Variants in PCNT observed in about 807,000 individuals in gnomAD.
PCNT encodes kendrin.
A neutral mutation model predicts 380.4 loss-of-function variants in PCNT; 319 were observed. That is an observed-to-expected ratio of 0.84 (90% CI 0.77 to 0.92). The LOEUF is 0.92. Ranked by LOEUF, PCNT falls within the 40% of genes least tolerant of loss-of-function variation. The pLI, the probability that PCNT is intolerant of heterozygous loss-of-function variation, is 0.00. For synonymous variants in PCNT, 1,845 were observed against 1,735.2 expected (o/e 1.06, Z -1.57); for missense variants, 4,400 against 4,255.3 (o/e 1.03, Z -0.95).
chr21:46,340,370 C>T (rs2083879646), intron 3 of PCNT, among the ~76,000 whole-genome samples: 1 of 152,184 alleles, frequency 6.6e-6, no homozygotes, highest in Non-Finnish European at 1.5e-5. Flanking sequence ...TATAGCTCAG[C>T]CCACTTTTGT....
rs539419677 is a variant in PCNT at position 46,437,014 on chromosome 21, C to T, written c.9032C>T (p.Ala3011Val). ...VNDWTSSNEKAVMSLLHTLEE... is the reference protein window; with the variant it reads ...VNDWTSSNEKVVMSLLHTLEE... ...GATTGGACGTCATCCAATGAGAAAG[C>T]AGTGATGTCTTTACTGCACACGTTG... is the stretch of plus-strand genomic sequence containing the variant. The change falls in exon 40 of 47, where the codon GCA (alanine) becomes GTA (valine). Residue 3011 changes from alanine to valine, a missense_variant. Physicochemically the swap from Ala to Val is moderately conservative, Grantham distance 64. Transcript: ENST00000359568. 1 of 1,614,016 alleles carries T rather than the reference C, an allele frequency of 6.2e-7. No individual in the cohort carries two copies. Among genetic ancestry groups the T allele is most frequent in the African/African-American group, 1.3e-5 (1 of 74,950 alleles).
At position 46,338,652 on chromosome 21, in the gene PCNT, G is replaced by A. The variant is rs990656751; in HGVS notation, c.639+3884G>A. 6.9e-5 allele frequency among the ~76,000 whole-genome samples: 10 copies of A among 144,498 alleles called. No individual in the cohort carries two copies. The East Asian group carries it at 1.0e-3, about 15-fold the overall frequency. 94.8% of individuals were successfully genotyped at this position (144,498 alleles called of 152,430 possible). A position where few individuals can be genotyped will look rare whatever the true frequency, so the allele number is the denominator to read the frequency against. The stretch of plus-strand genomic sequence containing the variant: ...GGAGTTTTGCTCTTGCACTCTTGTC[G>A]CCCAGGCTGGAGCGGTGATCTCGGC... On this transcript the variant is annotated intron_variant, in intron 3 of 46. Coordinates refer to ENST00000359568, the MANE Select transcript of PCNT (RefSeq NM_006031.6).
chr21:46,399,229 G>T (rs988344635), intron 24 of PCNT, among the ~76,000 whole-genome samples: 1 of 152,238 alleles, frequency 6.6e-6, no homozygotes, highest in Non-Finnish European at 1.5e-5. Flanking sequence ...TTAGATCTCT[G>T]TTCAGCCTCT....
At chr21:46,348,901 G>C in intron 6 of PCNT, 111 bp from the exon 7 acceptor site, 2 of 744,172 alleles carry the variant, frequency 2.7e-6, no homozygotes, top group South Asian at 1.5e-5. Context: ...GCTGGGATTA[G>C]AGGCATGAGC....
intron 39 of PCNT, among the ~76,000 whole-genome samples, chr21:46,436,734 G>A (rs1487183377): frequency 2.0e-5 from 3 of 152,126 alleles, no homozygotes; most frequent in South Asian, 2.1e-4. Flanking sequence ...CCTGGCAGGC[G>A]GTGGCTTCCC....
In PCNT at chr21:46,334,702, A is replaced by C. The variant is rs2146362453; in HGVS notation, c.573A>C (p.Thr191=). 1 of 1,613,422 alleles carries C rather than the reference A, an allele frequency of 6.2e-7. No homozygotes were observed. The highest frequency in any genetic ancestry group is 8.5e-7 in the Non-Finnish European group (1 of 1,179,726). Residue 191 remains threonine, a synonymous_variant, in exon 3 of 47, where the codon ACA becomes ACC. Coordinates refer to ENST00000359568, the MANE Select transcript of PCNT (RefSeq NM_006031.6). ...QRGMFTVSDH[T]PEQRGIFTIS... ...GGATGTTCACAGTCAGTGACCACAC[A>C]CCAGAACAGCGTGGGATCTTCACAA...
intron 15 of PCNT, among the ~76,000 whole-genome samples, chr21:46,378,446 C>G (rs1403222331): frequency 6.6e-6 from 1 of 152,174 alleles, no homozygotes; most frequent in Non-Finnish European, 1.5e-5. Flanking sequence ...GACTTGAACA[C>G]AGGCACTGTG....
rs544921248 is a variant in PCNT, at chr21:46,430,727, T to C, written c.8064+70T>C. ...CTGGAAGCCTGAAGCCATGCTCCTC[T>C]TTCATCCTTCTTTTCCTGTTCTTCA... On this transcript the variant is annotated intron_variant, in intron 37 of 46. Transcript: ENST00000359568. 1.5e-5 allele frequency: 23 copies of C among 1,541,918 alleles called. No homozygotes were observed. In the African/African-American group the frequency reaches 2.5e-4, roughly 17 times the overall value.
intron 28 of PCNT, 138 bp downstream of exon 28, chr21:46,412,205 G>C: frequency 9.5e-7 from 1 of 1,052,710 alleles, no homozygotes; most frequent in South Asian, 1.5e-5. Context: ...GAGAAAGGGG[G>C]CCTGAAGCTC....
chr21:46,401,137 G>A (rs1044381688), intron 25 of PCNT, among the ~76,000 whole-genome samples: 10 of 152,192 alleles, frequency 6.6e-5, no homozygotes, highest in African/African-American at 1.4e-4. Context: ...CGCATGTAAC[G>A]TATTGTGACC....
intron 16 of PCNT, among the ~76,000 whole-genome samples, chr21:46,383,451 G>A (rs1376171175): frequency 4.2e-4 from 44 of 105,994 alleles, no homozygotes; most frequent in Admixed American, 1.4e-3. Flanking sequence ...GGTGTTGTGC[G>A]TTCAGTGGCA....
At chr21:46,408,947 C>T (rs2086699433) in intron 27 of PCNT, among the ~76,000 whole-genome samples, 1 of 151,878 alleles carries the variant, frequency 6.6e-6, no homozygotes, top group Non-Finnish European at 1.5e-5. Context: ...TGGTCTCGAA[C>T]TCTTGACCTC....
intron 17 of PCNT, among the ~76,000 whole-genome samples, chr21:46,387,277 G>T (rs1042986345): frequency 6.6e-6 from 1 of 152,194 alleles, no homozygotes; most frequent in Non-Finnish European, 1.5e-5. Flanking sequence ...TGATTTTTCT[G>T]TGAGGACCTT....
intron 31 of PCNT, among the ~76,000 whole-genome samples, chr21:46,419,010 T>C (rs2087140474): frequency 6.6e-6 from 1 of 152,254 alleles, no homozygotes; most frequent in South Asian, 2.1e-4. Context: ...TCAGCCTCCC[T>C]TGGTTGCCCT....
intron 21 of PCNT, among the ~76,000 whole-genome samples, chr21:46,395,199 A>G (rs1297766790): frequency 1.3e-5 from 2 of 152,262 alleles, no homozygotes; most frequent in Non-Finnish European, 2.9e-5. Flanking sequence ...AGTTTGTGAT[A>G]AAAGACTTAA....
At chr21:46,392,743 T>C (rs528020738) in intron 21 of PCNT, among the ~76,000 whole-genome samples, 6 of 152,364 alleles carry the variant, frequency 3.9e-5, no homozygotes, top group Admixed American at 1.3e-4. Flanking sequence ...TTTTAAACTC[T>C]GCCTATGACT....
At chr21:46,414,737 TCCTCCTCCTGGACACGCAGCCGCCCAC>T (rs1443218696) in intron 29 of PCNT, among the ~76,000 whole-genome samples, 16,489 of 80,732 alleles carry the variant, frequency 0.2, 2,856 homozygotes, top group African/African-American at 0.44. Context: ...CTGCCCACCC[TCCTCCTCCTGGACACGCAGCCGCCCAC>T]CCTCCTCCTG....
At chr21:46,326,324 T>C in intron 1 of PCNT, 53 bp from the exon 2 acceptor site, 1 of 1,567,084 alleles carries the variant, frequency 6.4e-7, no homozygotes, top group Non-Finnish European at 8.8e-7. Context: ...GTGGTTCTGT[T>C]ATTTTTTTCT....
rs1476967087 is a variant in PCNT at position 46,411,686 on chromosome 21, CGAGAGAAATTTA to C, written c.5616_5627del (p.Arg1873_Glu1876del). 6 of 1,612,808 alleles carry C rather than the reference CGAGAGAAATTTA, an allele frequency of 3.7e-6. No homozygotes were observed. Among genetic ancestry groups the C allele is most frequent in the Non-Finnish European group, 4.2e-6 (5 of 1,179,868 alleles). ...TGAAAGCAAAGGAAGCGACGATTGC[CGAGAGAAATTTA>C]GAAATCGACGCTCTGAACCAGCGGA... On this transcript the variant is annotated inframe_deletion, in exon 28 of 47. Coordinates refer to ENST00000359568, the MANE Select transcript of PCNT (RefSeq NM_006031.6).
Sources: allele counts gnomAD v4.1 joint callset (sites outside exome capture counted in the v4.1 genomes callset), GRCh38; gene constraint gnomAD v4.1.1; transcripts MANE v1.5; gene names NCBI Gene and HGNC (gene_info 2026-07-23, HGNC 2026-07-21).